The following TNR variants were observed in gnomAD, a reference collection of about 807,000 sequenced individuals.
The protein encoded by TNR is tenascin-R.
TNR carries 45 observed loss-of-function variants against 150.4 expected under a neutral mutation model. That is an observed-to-expected ratio of 0.30 (90% CI 0.24 to 0.38). The LOEUF is 0.38. Ranked by LOEUF, TNR falls within the 10% of genes least tolerant of loss-of-function variation. The probability of loss-of-function intolerance (pLI) is 1.00; values close to 1 mark genes in which losing one functional copy is unlikely to be tolerated. For missense variants in TNR, 1,544 were observed against 1,759.1 expected, an observed-to-expected ratio of 0.88 and a Z score of 2.19; for synonymous variants, 687 against 678.4, an observed-to-expected ratio of 1.01 and a Z score of -0.20.
chr1:175,732,894 G>C (rs555251630), intron 1 of TNR, among the ~76,000 whole-genome samples: 2 of 152,332 alleles, frequency 1.3e-5, no homozygotes, highest in East Asian at 3.9e-4. Context: ...AATAGTTTTT[G>C]TCATGTAGAT....
intron 1 of TNR, among the ~76,000 whole-genome samples, chr1:175,672,393 G>C (rs995988284): frequency 3.9e-5 from 6 of 152,122 alleles, no homozygotes; most frequent in African/African-American, 1.4e-4. Context: ...TCAGGGACTG[G>C]GCCTGAAGTA....
intron 1 of TNR, among the ~76,000 whole-genome samples, chr1:175,554,298 T>C (rs1263408665): frequency 2.2e-5 from 3 of 139,066 alleles, no homozygotes; most frequent in Middle Eastern, 4.5e-3. Context: ...TACATGCTTA[T>C]ACATCTTCCT....
rs988133096 is a variant in TNR, at chr1:175,613,409, A to G, written c.-164-85040T>C. Among the ~76,000 whole-genome samples the G allele has an allele frequency of 3.3e-5, 5 of 152,228 alleles. No individual in the cohort carries two copies. The South Asian group carries it at 1.0e-3, about 32-fold the overall frequency. On this transcript the variant is annotated intron_variant, in intron 1 of 22. Coordinates refer to ENST00000367674, the MANE Select transcript of TNR (RefSeq NM_003285.3). Reference sequence around the variant, plus strand: ...ATGTTGGGAGCATTTACACCTTGGGAACTGGCAAATCCTACAAGTTAGCAC... The same window carrying G: ...ATGTTGGGAGCATTTACACCTTGGGGACTGGCAAATCCTACAAGTTAGCAC...
chr1:175,665,895 A>G (rs1277146608), intron 1 of TNR, among the ~76,000 whole-genome samples: 1 of 152,194 alleles, frequency 6.6e-6, no homozygotes, highest in African/African-American at 2.4e-5. Context: ...GTCTGCTTAA[A>G]AGAGTCCAGG....
chr1:175,608,131 G>T (rs1446421332), intron 1 of TNR, among the ~76,000 whole-genome samples: 1 of 152,156 alleles, frequency 6.6e-6, no homozygotes, highest in Non-Finnish European at 1.5e-5. Context: ...CTATTTTCAA[G>T]AATTCTTCTG....
intron 2 of TNR, among the ~76,000 whole-genome samples, chr1:175,516,363 G>A (rs1247156813): frequency 6.6e-6 from 1 of 152,212 alleles, no homozygotes; most frequent in Non-Finnish European, 1.5e-5. Context: ...TGAATGATTA[G>A]CAGCTAACAA....
At chr1:175,669,884 C>T (rs778881338) in intron 1 of TNR, among the ~76,000 whole-genome samples, 4 of 152,208 alleles carry the variant, frequency 2.6e-5, no homozygotes, top group Non-Finnish European at 5.9e-5. Context: ...AGTGCAGGAA[C>T]AGGGACTCTC....
At chr1:175,445,783 T>C (rs1300639125) in intron 2 of TNR, among the ~76,000 whole-genome samples, 4 of 152,252 alleles carry the variant, frequency 2.6e-5, no homozygotes, top group Admixed American at 2.0e-4. Flanking sequence ...CCGAGGTTAA[T>C]AATTCATGCA....
intron 1 of TNR, among the ~76,000 whole-genome samples, chr1:175,636,091 T>C (rs1664484433): frequency 6.6e-6 from 1 of 152,112 alleles, no homozygotes; most frequent in African/African-American, 2.4e-5. Flanking sequence ...TGATGGATCA[T>C]CCTTATGTTA....
chr1:175,641,388 T>C (rs1000205552), intron 1 of TNR, among the ~76,000 whole-genome samples: 30 of 152,250 alleles, frequency 2.0e-4, no homozygotes, highest in African/African-American at 7.2e-4. Flanking sequence ...GTTCATAAGA[T>C]AAAAATAAAT....
chr1:175,598,330 G>C (rs1385175217), intron 1 of TNR, among the ~76,000 whole-genome samples: 5 of 152,148 alleles, frequency 3.3e-5, no homozygotes, highest in Admixed American at 2.6e-4. Flanking sequence ...AAAACTAAAG[G>C]CCATACAGGT....
intron 1 of TNR, among the ~76,000 whole-genome samples, chr1:175,645,311 G>C (rs1664778704): frequency 6.6e-6 from 1 of 152,182 alleles, no homozygotes; most frequent in Admixed American, 6.5e-5. Flanking sequence ...GGACAGTTAT[G>C]CTCCAAATTT....
rs149316200 is a variant in TNR, at chr1:175,450,739, G to T, written c.-63-43962C>A. Among the ~76,000 whole-genome samples the T allele has an allele frequency of 1.3e-5, 2 of 152,334 alleles. 1 individual carries two copies. Among genetic ancestry groups the T allele is most frequent in the East Asian group, 3.9e-4 (2 of 5,192 alleles). ...AGAAATATGGACCTTGACCAGGAGG[G>T]TTGTGTGGGACACAGCAGTTAGGGG... On this transcript the variant is annotated intron_variant, in intron 2 of 22. Transcript: ENST00000367674.
intron 1 of TNR, among the ~76,000 whole-genome samples, chr1:175,538,456 G>GC (rs1660378484): frequency 6.6e-6 from 1 of 152,148 alleles, no homozygotes; most frequent in African/African-American, 2.4e-5. Flanking sequence ...TACAAAGTAG[G>GC]CCTTGGAAAA....
At chr1:175,326,318 T>C (rs1402218829) in intron 21 of TNR, among the ~76,000 whole-genome samples, 1 of 152,168 alleles carries the variant, frequency 6.6e-6, no homozygotes, top group African/African-American at 2.4e-5. Context: ...AAAGAGGTCT[T>C]GGGTGCTTTT....
intron 1 of TNR, among the ~76,000 whole-genome samples, chr1:175,690,195 A>G (rs977709250): frequency 5.3e-5 from 8 of 152,226 alleles, no homozygotes; most frequent in Non-Finnish European, 7.3e-5. Flanking sequence ...CTCAATAAAC[A>G]TAATAAATTT....
intron 1 of TNR, among the ~76,000 whole-genome samples, chr1:175,733,868 CAGGG>C (rs1410809373): frequency 6.6e-6 from 1 of 152,150 alleles, no homozygotes; most frequent in East Asian, 1.9e-4. Context: ...ACACACTTCC[CAGGG>C]AAACCATGCC....
At position 175,315,984 on chromosome 1, in the gene TNR, G is replaced by A. The variant is rs912803712; in HGVS notation, c.*7373C>T. ...CACTTAGTTGGCCGACATTTTTGCA[G>A]GAATTGAAGTGTCTATTGCATCTAA... is the stretch of plus-strand genomic sequence containing the variant. On this transcript the variant is annotated 3_prime_UTR_variant, in exon 23 of 23. Coordinates refer to ENST00000367674, the MANE Select transcript of TNR (RefSeq NM_003285.3). The A allele has an allele frequency of 3.9e-5, 6 of 152,210 alleles. No homozygotes were observed. Among genetic ancestry groups the A allele is most frequent in the African/African-American group, 1.4e-4 (6 of 41,444 alleles). The allele number at this position is 152,210 out of a possible 1,614,324, so 9.4% of individuals were successfully genotyped here. A position where few individuals can be genotyped will look rare whatever the true frequency, so the allele number is the denominator to read the frequency against.
At chr1:175,713,467 G>C (rs559491198) in intron 1 of TNR, among the ~76,000 whole-genome samples, 1 of 152,016 alleles carries the variant, frequency 6.6e-6, no homozygotes, top group South Asian at 2.1e-4. Context: ...CATTTTTAAA[G>C]TCTAACTTAT....
Sources: gnomAD v4.1 joint callset for allele counts (sites outside exome capture counted in the v4.1 genomes callset) on GRCh38, gnomAD v4.1.1 for gene constraint, MANE v1.5 for transcripts, NCBI Gene and HGNC (gene_info 2026-07-23, HGNC 2026-07-21) for gene names.